FADS2: variants seen among roughly 807,000 people sequenced by gnomAD.
The protein encoded by FADS2 is acyl-CoA 6-desaturase.
Under a neutral mutation model 61.2 loss-of-function variants are expected in FADS2, and 18 were observed. That is an observed-to-expected ratio of 0.29 (90% CI 0.20 to 0.44). The LOEUF (loss-of-function observed/expected upper bound fraction) is 0.44, where lower values mean the gene tolerates loss of function less well. Among genes scored for constraint, FADS2 ranks in the 20% least tolerant of loss-of-function variants. FADS2 has a pLI of 1.00. For synonymous variants in FADS2, 203 were observed against 223.9 expected, an observed-to-expected ratio of 0.91 and a Z score of 0.83; for missense variants, 322 against 572.7, an observed-to-expected ratio of 0.56 and a Z score of 4.47.
At chr11:61,852,135 T>C (rs1259080766) in intron 5 of FADS2, among the ~76,000 whole-genome samples, 1 of 152,188 alleles carries the variant, frequency 6.6e-6, no homozygotes, top group Non-Finnish European at 1.5e-5. Context: ...GGCTGGGCTG[T>C]CTGTCCTCTC....
intron 1 of FADS2, among the ~76,000 whole-genome samples, chr11:61,820,351 G>C (rs149561795): frequency 1.1e-4 from 17 of 152,150 alleles, no homozygotes; most frequent in African/African-American, 4.1e-4. Flanking sequence ...GGAGGAGAGA[G>C]ACAAGTGAGT....
chr11:61,836,610 C>A (rs1017520458), intron 1 of FADS2, among the ~76,000 whole-genome samples: 7 of 152,056 alleles, frequency 4.6e-5, no homozygotes, highest in Non-Finnish European at 7.4e-5. Context: ...CTCAAGTGAT[C>A]CTCCTGCCTC....
At chr11:61,857,961 G>A (rs765481918) in intron 7 of FADS2, among the ~76,000 whole-genome samples, 16 of 152,306 alleles carry the variant, frequency 1.1e-4, no homozygotes, top group South Asian at 4.1e-4. Flanking sequence ...AAAGCACCAC[G>A]AACTGAGTGG....
At chr11:61,840,867 T>C (rs2067212663) in intron 4 of FADS2, 142 bp downstream of exon 4, 3 of 670,560 alleles carry the variant, frequency 4.5e-6, no homozygotes, top group South Asian at 3.6e-5. Context: ...TGACTCTCCA[T>C]TCTGCTGACT....
upstream of FADS2, among the ~76,000 whole-genome samples, chr11:61,825,551 G>T (rs957906631): frequency 1.3e-5 from 2 of 151,702 alleles, no homozygotes; most frequent in African/African-American, 4.9e-5. Flanking sequence ...CCATGAGGTG[G>T]AGGTTGCAGT....
At chr11:61,848,343 C>A (rs1213867360) in intron 5 of FADS2, 59 bp downstream of exon 5, 1 of 1,605,954 alleles carries the variant, frequency 6.2e-7, no homozygotes. Context: ...AATGGCAGAC[C>A]ATCGAGGTAC....
chr11:61,836,412 G>C (rs2067175339), intron 1 of FADS2, among the ~76,000 whole-genome samples: 1 of 148,022 alleles, frequency 6.8e-6, no homozygotes, highest in African/African-American at 2.5e-5. Context: ...TGTTTTTTGA[G>C]ACAGGGTCTC....
In FADS2 at chr11:61,828,315, G is replaced by C. The variant is rs1311766195; in HGVS notation, c.-76G>C. 1 of 1,522,706 alleles carries C rather than the reference G, an allele frequency of 6.6e-7. No homozygotes were observed. The highest frequency in any genetic ancestry group is 8.8e-7 in the Non-Finnish European group (1 of 1,135,278). 94.3% of individuals were successfully genotyped at this position (1,522,706 alleles called of 1,614,324 possible). ...GGGCCCGGGCTGCACACACCGGCTGGGAGGCAGCCGTCTGTGCAGCGAGCA... is the reference window on the plus strand; with the variant it reads ...GGGCCCGGGCTGCACACACCGGCTGCGAGGCAGCCGTCTGTGCAGCGAGCA... On this transcript the variant is annotated 5_prime_UTR_variant, in exon 1 of 12. Transcript: ENST00000278840. The surrounding 1 kb of genome is among the most constrained non-coding windows in gnomAD (Gnocchi z 6.4).
At chr11:61,836,228 G>A (rs1331975549) in intron 1 of FADS2, among the ~76,000 whole-genome samples, 3 of 151,974 alleles carry the variant, frequency 2.0e-5, no homozygotes, top group Admixed American at 2.0e-4. Flanking sequence ...CTCCTGAGCA[G>A]CTGGGATTAC....
At chr11:61,854,666 G>A (rs563835811) in intron 5 of FADS2, 6 of 152,394 alleles carry the variant, frequency 3.9e-5, no homozygotes, top group African/African-American at 7.2e-5. Context: ...AGAACTGAGC[G>A]TGGGAAAGAT....
At chr11:61,858,584 T>C (rs1285137228) in intron 7 of FADS2, among the ~76,000 whole-genome samples, 1 of 151,670 alleles carries the variant, frequency 6.6e-6, no homozygotes. Context: ...CCCATTGTAA[T>C]TACGTCATCT....
upstream of FADS2, among the ~76,000 whole-genome samples, chr11:61,824,488 G>GAAAA (rs1460124325): frequency 1.7e-4 from 9 of 54,256 alleles, 2 homozygotes; most frequent in Non-Finnish European, 3.0e-4. Context: ...GAGAGAGAGA[G>GAAAA]AGAAAGAAAG....
At chr11:61,848,046 G>A (rs150649323) in intron 4 of FADS2, 113 bp from the exon 5 acceptor site, 3 of 1,298,254 alleles carry the variant, frequency 2.3e-6, no homozygotes, top group Admixed American at 3.9e-5. Context: ...GGCCTGAAGT[G>A]CTATCCCCGA....
intron 1 of FADS2, among the ~76,000 whole-genome samples, chr11:61,830,398 A>T (rs1366684735): frequency 6.6e-6 from 1 of 152,162 alleles, no homozygotes; most frequent in Admixed American, 6.5e-5. Flanking sequence ...TATCAGATTG[A>T]TTTATTTCTT....
chr11:61,825,934 G>A, upstream of FADS2: 1 of 625,758 alleles, frequency 1.6e-6, no homozygotes, highest in South Asian at 1.8e-5. Flanking sequence ...GCAGTGTCCA[G>A]TGTGGGGTCA....
In FADS2 at chr11:61,856,865, G is replaced by T. The variant is rs2067363573; in HGVS notation, c.745-146G>T. 5.6e-6 allele frequency: 4 copies of T among 714,984 alleles called. 1 individual carries two copies. In the South Asian group the frequency reaches 6.9e-5, roughly 12 times the overall value. 44.3% of individuals were successfully genotyped at this position (714,984 alleles called of 1,614,324 possible). On this transcript the variant is annotated intron_variant, in intron 5 of 11. Transcript: ENST00000278840. Reference sequence around the variant, plus strand: ...GAGGGCTGGAGGGGCCCCAGGCTTGGTGGGCCCAGGGTGCAGATTGACAGG... The same window carrying T: ...GAGGGCTGGAGGGGCCCCAGGCTTGTTGGGCCCAGGGTGCAGATTGACAGG...
Position 61,857,035 on chromosome 11 carries a change from C to G in FADS2, c.769C>G (p.Leu257Val). 1 of 1,614,030 alleles carries G rather than the reference C, an allele frequency of 6.2e-7. No homozygotes were observed. Among genetic ancestry groups the G allele is most frequent in the Non-Finnish European group, 8.5e-7 (1 of 1,179,978 alleles). The change falls in exon 6 of 12, where the codon CTG becomes GTG. Residue 257 changes from leucine (L) to valine (V), a missense_variant. Around this residue, in one of 3 missense-constraint regions of FADS2, gnomAD observed 221 missense variants for 427.9 expected, o/e 0.52. Transcript: ENST00000278840. ...IEYGKKKLKY[L>V]PYNHQHEYFF... Reference sequence around the variant, plus strand: ...GTACGGCAAGAAGAAGCTGAAATACCTGCCCTACAATCACCAGCACGAATA... The same window carrying G: ...GTACGGCAAGAAGAAGCTGAAATACGTGCCCTACAATCACCAGCACGAATA...
chr11:61,843,908 G>C (rs1002575766), intron 4 of FADS2, among the ~76,000 whole-genome samples: 3 of 152,034 alleles, frequency 2.0e-5, no homozygotes, highest in Non-Finnish European at 4.4e-5. Context: ...TGATCCACCT[G>C]CCTTGGCCTC....
chr11:61,849,046 A>T (rs1288944941), intron 5 of FADS2, among the ~76,000 whole-genome samples: 1 of 152,200 alleles, frequency 6.6e-6, no homozygotes, highest in Non-Finnish European at 1.5e-5. Flanking sequence ...GATTACAGGC[A>T]TGTGCCACCA....
Sources: allele counts gnomAD v4.1 joint callset (sites outside exome capture counted in the v4.1 genomes callset), GRCh38; gene constraint gnomAD v4.1.1; regional missense constraint gnomAD v4.1.1; non-coding constraint Gnocchi (gnomAD v3.1); transcripts MANE v1.5; gene names NCBI Gene and HGNC (gene_info 2026-07-23, HGNC 2026-07-21).